HYDIN: variants seen among roughly 807,000 people sequenced by gnomAD.
HYDIN encodes HYDIN axonemal central pair apparatus protein.
HYDIN carries 132 observed loss-of-function variants against 403.9 expected under a neutral mutation model. The ratio of observed to expected loss-of-function variants is 0.33; its 90% CI spans 0.28 to 0.38. The LOEUF is 0.38. HYDIN is among the 10% of genes least tolerant of loss of function. The pLI, the probability that HYDIN is intolerant of heterozygous loss-of-function variation, is 1.00. For synonymous variants in HYDIN, 1,202 were observed against 1,891.7 expected (o/e 0.64, Z 9.46); for missense variants, 2,827 against 5,009.5 (o/e 0.56, Z 13.15).
chr16:71,150,403 G>GT (rs1823579975), intron 7 of HYDIN, among the ~76,000 whole-genome samples: 1 of 150,804 alleles, frequency 6.6e-6, no homozygotes, highest in Non-Finnish European at 1.5e-5. Flanking sequence ...AAATATAGAG[G>GT]TAAAAATGAA....
At chr16:70,811,387 T>G (rs948877495) in intron 84 of HYDIN, 1 of 153,624 alleles carries the variant, frequency 6.5e-6, no homozygotes, top group Non-Finnish European at 1.5e-5. Context: ...CAGGGAGCTA[T>G]GATCATACCA....
At chr16:71,057,693 C>T (rs2144258059) in intron 18 of HYDIN, among the ~76,000 whole-genome samples, 1 of 151,538 alleles carries the variant, frequency 6.6e-6, no homozygotes, top group Non-Finnish European at 1.5e-5. Flanking sequence ...TCGCAACCTA[C>T]TCATCTGACA....
At chr16:71,212,866 G>C (rs1202166371) in intron 1 of HYDIN, among the ~76,000 whole-genome samples, 1 of 151,954 alleles carries the variant, frequency 6.6e-6, no homozygotes, top group Admixed American at 6.6e-5. Flanking sequence ...TAGATAAATG[G>C]GGGAAAAAGT....
At chr16:70,850,751 G>T in intron 73 of HYDIN, 96 bp from the exon 74 acceptor site, 1 of 1,251,844 alleles carries the variant, frequency 8.0e-7, no homozygotes, top group South Asian at 1.5e-5. Context: ...TCACTACGAG[G>T]AAAAGGAAAC....
intron 50 of HYDIN, among the ~76,000 whole-genome samples, chr16:70,906,821 T>G (rs1003914117): frequency 6.6e-6 from 1 of 152,228 alleles, no homozygotes; most frequent in Non-Finnish European, 1.5e-5. Context: ...CAGTATTCAG[T>G]GTAGCAACCA....
chr16:70,963,048 C>T (rs1258171947), intron 37 of HYDIN, among the ~76,000 whole-genome samples: 2 of 152,064 alleles, frequency 1.3e-5, no homozygotes, highest in African/African-American at 2.4e-5. Flanking sequence ...AGGGGAGCAC[C>T]AAGGCCTTCT....
chr16:70,984,866 C>T (rs1469908848), intron 28 of HYDIN, among the ~76,000 whole-genome samples: 5 of 150,854 alleles, frequency 3.3e-5, no homozygotes, highest in Admixed American at 6.6e-5. Flanking sequence ...AGGAAGCCCT[C>T]GGGAATTACA....
At chr16:71,180,644 CAAACTG>C (rs2144653869) in intron 3 of HYDIN, among the ~76,000 whole-genome samples, 1 of 151,730 alleles carries the variant, frequency 6.6e-6, no homozygotes, top group African/African-American at 2.4e-5. Context: ...AAAAAATTTG[CAAACTG>C]AAACTGAAAC....
chr16:71,039,201 T>G (rs1434399618), intron 18 of HYDIN, among the ~76,000 whole-genome samples: 18 of 152,094 alleles, frequency 1.2e-4, no homozygotes, highest in Admixed American at 1.2e-3. Context: ...AGGTTTCGGT[T>G]TCCTTTTATG....
chr16:71,071,153 A>G (rs557171081), intron 13 of HYDIN, among the ~76,000 whole-genome samples: 2 of 141,726 alleles, frequency 1.4e-5, no homozygotes, highest in East Asian at 4.4e-4. Flanking sequence ...GGAGCGTATT[A>G]TGGAAAGTGG....
chr16:71,219,033 A>T (rs2089046370), intron 1 of HYDIN, among the ~76,000 whole-genome samples: 1 of 152,228 alleles, frequency 6.6e-6, no homozygotes, highest in Admixed American at 6.5e-5. Context: ...GTTTTCAGAC[A>T]TCAATAAAAA....
intron 67 of HYDIN, among the ~76,000 whole-genome samples, chr16:70,865,748 A>G (rs2039709930): frequency 6.6e-6 from 1 of 151,996 alleles, no homozygotes. Flanking sequence ...CAGAAGATAT[A>G]TCTGCAGAGT....
intron 18 of HYDIN, among the ~76,000 whole-genome samples, chr16:71,043,267 C>T (rs954031357): frequency 6.1e-5 from 9 of 148,698 alleles, no homozygotes; most frequent in African/African-American, 2.2e-4. Flanking sequence ...TGGTGTGCCT[C>T]GACATGGGCC....
At chr16:70,957,154 C>A (rs2078267322) in intron 39 of HYDIN, among the ~76,000 whole-genome samples, 1 of 151,522 alleles carries the variant, frequency 6.6e-6, no homozygotes, top group South Asian at 2.1e-4. Flanking sequence ...ACCCTCCCAG[C>A]CCCTTGGAAA....
chr16:71,174,755 C>T (rs2086599688), intron 5 of HYDIN, among the ~76,000 whole-genome samples: 1 of 152,176 alleles, frequency 6.6e-6, no homozygotes, highest in African/African-American at 2.4e-5. Flanking sequence ...TGCAGTGGTA[C>T]TGAGAGAAAA....
intron 53 of HYDIN, 80 bp downstream of exon 53, chr16:70,900,914 CTGTGTGTGTG>C (rs58190033): frequency 0.014 from 5,250 of 381,490 alleles, 65 homozygotes; most frequent in African/African-American, 0.083. Context: ...AGGGAGACCT[CTGTGTGTGTG>C]TGTGTGTGTG....
intron 73 of HYDIN, 145 bp downstream of exon 73, chr16:70,854,983 T>C: frequency 5.2e-6 from 3 of 573,352 alleles, no homozygotes; most frequent in Non-Finnish European, 9.2e-6. Context: ...TATCAGGGAG[T>C]AAGTAGGATG....
At chr16:70,861,919 G>A in intron 69 of HYDIN, 129 bp downstream of exon 69, 1 of 799,756 alleles carries the variant, frequency 1.3e-6, no homozygotes, top group Non-Finnish European at 1.8e-6. Context: ...AGGGAAAAGG[G>A]ATAATTTGGG....
intron 81 of HYDIN, among the ~76,000 whole-genome samples, chr16:70,828,811 A>G (rs1473721419): frequency 6.6e-6 from 1 of 152,004 alleles, no homozygotes. Flanking sequence ...AAGACCGCAT[A>G]GTTAAATAGA....
Sources: allele counts gnomAD v4.1 joint callset (sites outside exome capture counted in the v4.1 genomes callset), GRCh38; gene constraint gnomAD v4.1.1; transcripts MANE v1.5; gene names NCBI Gene and HGNC (gene_info 2026-07-23, HGNC 2026-07-21).